PAIP1: variants seen among roughly 807,000 people sequenced by gnomAD.
The protein encoded by PAIP1 is polyadenylate-binding protein-interacting protein 1.
In PAIP1, 16 loss-of-function variants were observed where a neutral mutation model predicts 61.3. The observed-to-expected ratio is 0.26, with a 90% CI of 0.18 to 0.40. The LOEUF (loss-of-function observed/expected upper bound fraction) is 0.40. Among genes scored for constraint, PAIP1 ranks in the 10% least tolerant of loss-of-function variants. The pLI is 1.00. For missense variants in PAIP1, 416 were observed against 600.9 expected (o/e 0.69, Z 3.22); for synonymous variants, 187 against 226.2 (o/e 0.83, Z 1.56).
At chr5:43,547,264 T>G (rs1747675512) in intron 3 of PAIP1, among the ~76,000 whole-genome samples, 1 of 152,106 alleles carries the variant, frequency 6.6e-6, no homozygotes, top group Non-Finnish European at 1.5e-5. Context: ...GACCTACTTA[T>G]GAGGCAAGCA....
intron 4 of PAIP1, among the ~76,000 whole-genome samples, chr5:43,541,985 T>C (rs1747433170): frequency 6.6e-6 from 1 of 151,162 alleles, no homozygotes; most frequent in African/African-American, 2.4e-5. Context: ...GAGACCAGCC[T>C]GGCCAACATG....
In PAIP1 at chr5:43,534,840, A is replaced by C; in HGVS notation, c.1197+13T>G. 7.8e-7 allele frequency: 1 copy of C among 1,287,120 alleles called. No individual in the cohort carries two copies. Among genetic ancestry groups the C allele is most frequent in the African/African-American group, 1.5e-5 (1 of 68,666 alleles). 79.7% of individuals were successfully genotyped at this position (1,287,120 alleles called of 1,614,324 possible). On this transcript the variant is annotated intron_variant, in intron 8 of 10. Transcript: ENST00000306846. Reference sequence around the variant, plus strand: ...AGCAATAAGTAAAACTTAAAATATAAACACTGGCATACCATAAAGTAGTTA... The same window carrying C: ...AGCAATAAGTAAAACTTAAAATATACACACTGGCATACCATAAAGTAGTTA...
At chr5:43,548,826 T>C (rs1425946800) in intron 2 of PAIP1, among the ~76,000 whole-genome samples, 1 of 152,164 alleles carries the variant, frequency 6.6e-6, no homozygotes, top group African/African-American at 2.4e-5. Context: ...AAGTTATGAC[T>C]ACAAAACAGA....
chr5:43,541,288 CTTTT>C (rs777778938), intron 4 of PAIP1, among the ~76,000 whole-genome samples: 1 of 25,208 alleles, frequency 4.0e-5, no homozygotes, highest in Non-Finnish European at 6.4e-5. Context: ...CCACGCCCAG[CTTTT>C]TTTTTTTTTT....
intron 4 of PAIP1, among the ~76,000 whole-genome samples, chr5:43,540,466 T>C (rs1343916330): frequency 1.3e-5 from 2 of 152,210 alleles, no homozygotes; most frequent in East Asian, 1.9e-4. Flanking sequence ...ACCTACATAA[T>C]TGACTAGGTG....
At position 43,556,837 on chromosome 5, in the gene PAIP1, C is replaced by A. The variant is rs1430919939; in HGVS notation, c.10G>T (p.Gly4Cys). ...CCAGCACCTGGGGCCCGATCGAAACCGTCCGACATGCTCCTCCTCCTCCGC... is the reference window on the plus strand; with the variant it reads ...CCAGCACCTGGGGCCCGATCGAAACAGTCCGACATGCTCCTCCTCCTCCGC... MSD[G>C]FDRAPGAGRG... Residue 4 changes from glycine to cysteine, a missense_variant, in exon 1 of 11, where the codon GGT (glycine) becomes TGT (cysteine). Physicochemically the swap from Gly to Cys is radical, Grantham distance 159. Transcript: ENST00000306846. 2.4e-5 allele frequency: 34 copies of A among 1,444,926 alleles called. No individual in the cohort carries two copies. The highest frequency in any genetic ancestry group is 3.0e-5 in the Non-Finnish European group (33 of 1,101,110). 89.5% of individuals were successfully genotyped at this position (1,444,926 alleles called of 1,614,324 possible).
chr5:43,545,075 C>T (rs1747580325), intron 3 of PAIP1, among the ~76,000 whole-genome samples: 1 of 152,206 alleles, frequency 6.6e-6, no homozygotes, highest in African/African-American at 2.4e-5. Flanking sequence ...ACTGCTTTTA[C>T]TTTTGCACAA....
At chr5:43,553,151 C>A (rs1423950406) in intron 2 of PAIP1, among the ~76,000 whole-genome samples, 1 of 152,098 alleles carries the variant, frequency 6.6e-6, no homozygotes, top group East Asian at 1.9e-4. Flanking sequence ...GGTAAGTGAA[C>A]TGTGACAAAT....
chr5:43,537,579 A>G (rs1214768805), intron 5 of PAIP1, among the ~76,000 whole-genome samples: 1 of 152,198 alleles, frequency 6.6e-6, no homozygotes, highest in African/African-American at 2.4e-5. Flanking sequence ...AATGACTGAG[A>G]TGCACATTTG....
chr5:43,547,739 T>C lies in PAIP1; in HGVS notation c.610A>G (p.Ile204Val), dbSNP rs955157098. The C allele has an allele frequency of 6.2e-7, 1 of 1,606,986 alleles. No individual in the cohort carries two copies. Among genetic ancestry groups the C allele is most frequent in the Non-Finnish European group, 8.5e-7 (1 of 1,177,064 alleles). The stretch of plus-strand genomic sequence containing the variant: ...ATAAGCCAACATACCTGTTGATAGA[T>C]GAGTTCCACAAGTTCTTGCAAAGCA... The part of the protein sequence containing the change: ...DDALQELVEL[I>V]YQQATSIPNF... Residue 204 changes from isoleucine to valine, a missense_variant, in exon 3 of 11, where the codon ATC becomes GTC. Physicochemically the swap from Ile to Val is conservative, Grantham distance 29 (BLOSUM62 3). Around this residue, in one of 4 missense-constraint regions of PAIP1, gnomAD observed 180 missense variants for 211.2 expected, o/e 0.85. Transcript: ENST00000306846.
chr5:43,545,679 T>C (rs1747608572), intron 3 of PAIP1, among the ~76,000 whole-genome samples: 1 of 152,212 alleles, frequency 6.6e-6, no homozygotes, highest in African/African-American at 2.4e-5. Flanking sequence ...TTTCCTCTTC[T>C]CTGTCCCTAT....
chr5:43,536,585 CAG>C (rs1747165965), intron 6 of PAIP1, among the ~76,000 whole-genome samples: 1 of 152,204 alleles, frequency 6.6e-6, no homozygotes, highest in African/African-American at 2.4e-5. Flanking sequence ...GGGAAGAAGA[CAG>C]AATTTGCAAA....
At chr5:43,534,818 AATAAGT>A (rs1230813510) in intron 8 of PAIP1, 29 bp downstream of exon 8, 4 of 1,113,374 alleles carry the variant, frequency 3.6e-6, no homozygotes, top group Non-Finnish European at 5.5e-6. Context: ...GAATTCAAGC[AATAAGT>A]AAAACTTAAA....
chr5:43,553,620 A>G (rs990059151), intron 2 of PAIP1, among the ~76,000 whole-genome samples: 16 of 152,272 alleles, frequency 1.1e-4, no homozygotes, highest in Admixed American at 1.0e-3. Flanking sequence ...GAGTCGGGGG[A>G]AAAAAGGATC....
At chr5:43,544,228 G>A (rs116196112) in intron 3 of PAIP1, among the ~76,000 whole-genome samples, 2,149 of 144,308 alleles carry the variant, frequency 0.015, 48 homozygotes, top group African/African-American at 0.051. Flanking sequence ...TCTAACAAAT[G>A]TCCTGCTACC....
intron 2 of PAIP1, among the ~76,000 whole-genome samples, chr5:43,549,374 G>A (rs6878798): frequency 0.071 from 10,754 of 152,230 alleles, 636 homozygotes; most frequent in African/African-American, 0.16. Flanking sequence ...TGTGTTGTGG[G>A]AGGGACCCAG....
At chr5:43,544,400 T>C (rs1468061766) in intron 3 of PAIP1, among the ~76,000 whole-genome samples, 1 of 152,112 alleles carries the variant, frequency 6.6e-6, no homozygotes, top group African/African-American at 2.4e-5. Flanking sequence ...CTTACATTTT[T>C]CCCATTATTG....
rs1001132116 is a variant in PAIP1 at position 43,556,908 on chromosome 5, G to A, written c.-62C>T. Reference sequence around the variant, plus strand: ...GCCGCTGCGCTCGCGATAGGACGCGGGGGGAAGGCGCCGCGGGTCGGCTAT... The same window carrying A: ...GCCGCTGCGCTCGCGATAGGACGCGAGGGGAAGGCGCCGCGGGTCGGCTAT... On this transcript the variant is annotated 5_prime_UTR_variant, in exon 1 of 11. Coordinates refer to ENST00000306846, the MANE Select transcript of PAIP1 (RefSeq NM_006451.5). The A allele has an allele frequency of 7.5e-7, 1 of 1,327,376 alleles. No homozygotes were observed. The highest frequency in any genetic ancestry group is 1.5e-5 in the African/African-American group (1 of 64,784). 82.2% of individuals were successfully genotyped at this position (1,327,376 alleles called of 1,614,324 possible). A position where few individuals can be genotyped will look rare whatever the true frequency, so the allele number is the denominator to read the frequency against.
intron 2 of PAIP1, among the ~76,000 whole-genome samples, chr5:43,551,745 CTTTT>C (rs10640960): frequency 2.8e-5 from 4 of 142,960 alleles, no homozygotes; most frequent in African/African-American, 5.1e-5. Context: ...GATTTGCAAT[CTTTT>C]TTTTTTTTTT....
Sources: gnomAD v4.1 joint callset for allele counts (sites outside exome capture counted in the v4.1 genomes callset) on GRCh38, gnomAD v4.1.1 for gene constraint, gnomAD v4.1.1 regional missense constraint, MANE v1.5 for transcripts, NCBI Gene and HGNC (gene_info 2026-07-23, HGNC 2026-07-21) for gene names.